Variants in SMAD2 observed in about 807,000 individuals in gnomAD.
The protein encoded by SMAD2 is SMAD family member 2.
Under a neutral mutation model 64.4 loss-of-function variants are expected in SMAD2, and 8 were observed. That is an observed-to-expected ratio of 0.12 (90% CI 0.07 to 0.22). The LOEUF is 0.22. SMAD2 is among the 10% of genes least tolerant of loss of function. The pLI, the probability that SMAD2 is intolerant of heterozygous loss-of-function variation, is 1.00. For synonymous variants in SMAD2, 203 were observed against 195.8 expected, an observed-to-expected ratio of 1.04 and a Z score of -0.31; for missense variants, 289 against 561.2, an observed-to-expected ratio of 0.51 and a Z score of 4.90.
rs1257003659 is a variant in SMAD2 at position 47,832,323 on chromosome 18, ATGT to A, written c.*9501_*9503del. ...TAGAAGGATCTCGAGTCAGCCCTCA[ATGT>A]TGTTGTTCAATGTTGGGAAGTCCCT... On this transcript the variant is annotated 3_prime_UTR_variant, in exon 11 of 11. Coordinates refer to ENST00000262160, the MANE Select transcript of SMAD2 (RefSeq NM_005901.6). The A allele has an allele frequency of 2.6e-5, 4 of 152,168 alleles. No homozygotes were observed. 9.4% of individuals were successfully genotyped at this position (152,168 alleles called of 1,614,324 possible).
intron 2 of SMAD2, among the ~76,000 whole-genome samples, chr18:47,892,991 G>A (rs149268150): frequency 6.6e-6 from 1 of 152,176 alleles, no homozygotes; most frequent in Non-Finnish European, 1.5e-5. Context: ...TTGCTTTACT[G>A]TGGATAATAA....
In SMAD2 at chr18:47,860,081, A is replaced by G. The variant is rs534645358; in HGVS notation, c.730+4978T>C. On this transcript the variant is annotated intron_variant, in intron 6 of 10. Coordinates refer to ENST00000262160, the MANE Select transcript of SMAD2 (RefSeq NM_005901.6). ...AGCCTGGGAGGTTGAGGCTGCCGTG[A>G]GCCAACCAGGCCACTGCACTCCAGC... 1.6e-3 allele frequency among the ~76,000 whole-genome samples: 243 copies of G among 152,224 alleles called. 1 individual carries two copies. Among genetic ancestry groups the G allele is most frequent in the Non-Finnish European group, 2.6e-3 (176 of 68,004 alleles).
Position 47,813,579 on chromosome 18 carries a change from TGC to T in SMAD2, c.*28246_*28247del, listed in dbSNP as rs1454979359. 10 of 151,870 alleles carry T rather than the reference TGC, an allele frequency of 6.6e-5. No individual in the cohort carries two copies. The highest frequency in any genetic ancestry group is 2.4e-4 in the African/African-American group (10 of 41,282). 9.4% of individuals were successfully genotyped at this position (151,870 alleles called of 1,614,324 possible). A position where few individuals can be genotyped will look rare whatever the true frequency, so the allele number is the denominator to read the frequency against. On this transcript the variant is annotated 3_prime_UTR_variant, in exon 11 of 11. Coordinates refer to ENST00000262160, the MANE Select transcript of SMAD2 (RefSeq NM_005901.6). The stretch of plus-strand genomic sequence containing the variant: ...ACACCACCACACCCGGCTAATTTTC[TGC>T]ATTTTTAGTACAGATGGGGTTTCAC...
intron 2 of SMAD2, among the ~76,000 whole-genome samples, chr18:47,879,118 G>A (rs2032436067): frequency 6.6e-6 from 1 of 152,154 alleles, no homozygotes; most frequent in Non-Finnish European, 1.5e-5. Flanking sequence ...GCTAGACCCT[G>A]TCTCAGAGAG....
Position 47,864,985 on chromosome 18 carries a change from T to C in SMAD2, c.730+74A>G, listed in dbSNP as rs72661147. 0.01 allele frequency: 8,953 copies of C among 867,870 alleles called. 83 individuals are homozygous for C. Among genetic ancestry groups the C allele is most frequent in the South Asian group, 0.014 (995 of 73,186 alleles). 53.8% of individuals were successfully genotyped at this position (867,870 alleles called of 1,614,324 possible). A position where few individuals can be genotyped will look rare whatever the true frequency, so the allele number is the denominator to read the frequency against. On this transcript the variant is annotated intron_variant, in intron 6 of 10. Coordinates refer to ENST00000262160, the MANE Select transcript of SMAD2 (RefSeq NM_005901.6). ...AACTTCTCTAAATTTAAGAGTAACATCTTTTGTGAATTTCAAACAATACAA... is the reference window on the plus strand; with the variant it reads ...AACTTCTCTAAATTTAAGAGTAACACCTTTTGTGAATTTCAAACAATACAA...
At position 47,884,126 on chromosome 18, in the gene SMAD2, T is replaced by C. The variant is rs75736405; in HGVS notation, c.236+12395A>G. Among the ~76,000 whole-genome samples the C allele has an allele frequency of 2.5e-3, 375 of 152,310 alleles. 1 individual carries two copies. The highest frequency in any genetic ancestry group is 8.5e-3 in the African/African-American group (352 of 41,576). ...GGACCAACTTGGAAGCCTGCCATGC[T>C]CTACTCAGACAGCATCATTATGTGA... On this transcript the variant is annotated intron_variant, in intron 2 of 10. Transcript: ENST00000262160.
In SMAD2 at chr18:47,840,901, C is replaced by T; in HGVS notation, c.*926G>A. ...TTTTTTATGAGGTGGAAGGATAAATCAACAGACTGCTAGATTATACAAGCC... is the reference window on the plus strand; with the variant it reads ...TTTTTTATGAGGTGGAAGGATAAATTAACAGACTGCTAGATTATACAAGCC... On this transcript the variant is annotated 3_prime_UTR_variant, in exon 11 of 11. Transcript: ENST00000262160. 1 of 232,274 alleles carries T rather than the reference C, an allele frequency of 4.3e-6. No individual in the cohort carries two copies. The highest frequency in any genetic ancestry group is 8.5e-6 in the Non-Finnish European group (1 of 117,506). 14.4% of individuals were successfully genotyped at this position (232,274 alleles called of 1,614,324 possible). A position where few individuals can be genotyped will look rare whatever the true frequency, so the allele number is the denominator to read the frequency against.
At position 47,833,840 on chromosome 18, in the gene SMAD2, A is replaced by G. The variant is rs1913155440; in HGVS notation, c.*7987T>C. The G allele has an allele frequency of 4.3e-6, 1 of 230,598 alleles. No individual in the cohort carries two copies. Among genetic ancestry groups the G allele is most frequent in the African/African-American group, 2.2e-5 (1 of 45,190 alleles). 14.3% of individuals were successfully genotyped at this position (230,598 alleles called of 1,614,324 possible). On this transcript the variant is annotated 3_prime_UTR_variant, in exon 11 of 11. Coordinates refer to ENST00000262160, the MANE Select transcript of SMAD2 (RefSeq NM_005901.6). ...AAGGCCATGTATTTCCTCACAAGAA[A>G]AGAAATCTGCAACAATTGGTTTCCT...
chr18:47,828,769 C>T lies in SMAD2; in HGVS notation c.*13058G>A, dbSNP rs1043952722. The T allele has an allele frequency of 6.1e-5, 11 of 180,896 alleles. No individual in the cohort carries two copies. The highest frequency in any genetic ancestry group is 6.4e-5 in the Admixed American group (1 of 15,702). 11.2% of individuals were successfully genotyped at this position (180,896 alleles called of 1,614,324 possible). A position where few individuals can be genotyped will look rare whatever the true frequency, so the allele number is the denominator to read the frequency against. On this transcript the variant is annotated 3_prime_UTR_variant, in exon 11 of 11. Coordinates refer to ENST00000262160, the MANE Select transcript of SMAD2 (RefSeq NM_005901.6). ...AAGAGTCATCACCACTCCTTAATCT[C>T]AAGTACCCAGGGACACAAACACTGC...
At chr18:47,842,277 C>T (rs1914028330) in intron 10 of SMAD2, among the ~76,000 whole-genome samples, 1 of 152,104 alleles carries the variant, frequency 6.6e-6, no homozygotes, top group Non-Finnish European at 1.5e-5. Context: ...CGTGGTGGCT[C>T]ACACCTGTAA....
At chr18:47,922,462 A>G (rs570452066) in intron 1 of SMAD2, 2 of 152,366 alleles carry the variant, frequency 1.3e-5, no homozygotes, top group South Asian at 4.1e-4. Flanking sequence ...ATAGAATAAC[A>G]ACTATTTACA....
chr18:47,912,961 C>T (rs1390265003), intron 1 of SMAD2, among the ~76,000 whole-genome samples: 1 of 151,274 alleles, frequency 6.6e-6, no homozygotes, highest in Non-Finnish European at 1.5e-5. Flanking sequence ...CTCTTGTTGC[C>T]CAGGTTGGAG....
rs1912157130 is a variant in SMAD2, at chr18:47,810,197, T to C, written c.*31630A>G. ...AAGAAGTCATCTGACCCAGAAATAC[T>C]AAGAACCAAGTGAATTCCAAATTGC... On this transcript the variant is annotated 3_prime_UTR_variant, in exon 11 of 11. Transcript: ENST00000262160. 1 of 152,178 alleles carries C rather than the reference T, an allele frequency of 6.6e-6. No homozygotes were observed. The highest frequency in any genetic ancestry group is 1.9e-4 in the East Asian group (1 of 5,188). 9.4% of individuals were successfully genotyped at this position (152,178 alleles called of 1,614,324 possible).
chr18:47,852,366 C>T (rs2030193288), intron 6 of SMAD2, among the ~76,000 whole-genome samples: 1 of 152,132 alleles, frequency 6.6e-6, no homozygotes, highest in African/African-American at 2.4e-5. Flanking sequence ...ATATCTTACT[C>T]TTGACTTTTA....
Position 47,818,825 on chromosome 18 carries a change from A to C in SMAD2, c.*23002T>G, listed in dbSNP as rs762398179. On this transcript the variant is annotated 3_prime_UTR_variant, in exon 11 of 11. Coordinates refer to ENST00000262160, the MANE Select transcript of SMAD2 (RefSeq NM_005901.6). ...AAAACTTTTGGTTCACAGCTTTCATAAGATTACCTATTCTGCATGTTTACC... is the reference window on the plus strand; with the variant it reads ...AAAACTTTTGGTTCACAGCTTTCATCAGATTACCTATTCTGCATGTTTACC... 1.9e-4 allele frequency: 29 copies of C among 152,236 alleles called. No individual in the cohort carries two copies. The highest frequency in any genetic ancestry group is 3.4e-4 in the Non-Finnish European group (23 of 68,038). The allele number at this position is 152,236 out of a possible 1,614,324, so 9.4% of individuals were successfully genotyped here. A position where few individuals can be genotyped will look rare whatever the true frequency, so the allele number is the denominator to read the frequency against.
intron 10 of SMAD2, among the ~76,000 whole-genome samples, chr18:47,843,242 T>A (rs890362687): frequency 2.6e-5 from 4 of 152,174 alleles, no homozygotes; most frequent in Non-Finnish European, 2.9e-5. Flanking sequence ...AAATTGACAT[T>A]TACATGCCCA....
At position 47,861,852 on chromosome 18, in the gene SMAD2, C is replaced by T. The variant is rs180687060; in HGVS notation, c.730+3207G>A. On this transcript the variant is annotated intron_variant, in intron 6 of 10. Coordinates refer to ENST00000262160, the MANE Select transcript of SMAD2 (RefSeq NM_005901.6). Reference sequence around the variant, plus strand: ...AACTACCTTCATACAGTGCTTATTACAGGTTAGAACACATAGATGCCTTAT... The same window carrying T: ...AACTACCTTCATACAGTGCTTATTATAGGTTAGAACACATAGATGCCTTAT... 5.9e-5 allele frequency among the ~76,000 whole-genome samples: 9 copies of T among 152,328 alleles called. No individual in the cohort carries two copies. In the East Asian group the frequency reaches 1.2e-3, roughly 20 times the overall value.
chr18:47,868,683 G>T (rs988186875), intron 4 of SMAD2, among the ~76,000 whole-genome samples: 5 of 151,794 alleles, frequency 3.3e-5, no homozygotes, highest in African/African-American at 1.2e-4. Flanking sequence ...CAAACTTTTG[G>T]GAACAATGTG....
chr18:47,862,798 G>C (rs1454871558), intron 6 of SMAD2, among the ~76,000 whole-genome samples: 4 of 152,084 alleles, frequency 2.6e-5, no homozygotes, highest in African/African-American at 9.7e-5. Context: ...CACATCTTAT[G>C]ATCTATTATA....
Sources: gnomAD v4.1 joint callset for allele counts (sites outside exome capture counted in the v4.1 genomes callset) on GRCh38, gnomAD v4.1.1 for gene constraint, MANE v1.5 for transcripts, NCBI Gene and HGNC (gene_info 2026-07-23, HGNC 2026-07-21) for gene names.